The following USH2A variants were observed in gnomAD, a reference collection of about 807,000 sequenced individuals.
USH2A encodes usherin.
Under a neutral mutation model 538.9 loss-of-function variants are expected in USH2A, and 443 were observed. The observed-to-expected ratio is 0.82, with a 90% CI of 0.76 to 0.89. USH2A has a LOEUF of 0.89. Ranked by LOEUF, USH2A falls within the 40% of genes least tolerant of loss-of-function variation. USH2A has a pLI of 0.00. For synonymous variants in USH2A, 2,413 were observed against 2,273.5 expected, an observed-to-expected ratio of 1.06 and a Z score of -1.75; for missense variants, 6,633 against 6,324.8, an observed-to-expected ratio of 1.05 and a Z score of -1.65.
intron 37 of USH2A, among the ~76,000 whole-genome samples, chr1:215,939,563 T>C (rs1456859950): frequency 6.6e-6 from 1 of 152,100 alleles, no homozygotes; most frequent in African/African-American, 2.4e-5. Flanking sequence ...TGTTGAATAG[T>C]AGAAAATCTA....
At chr1:215,771,209 G>A (rs1661274209) in intron 55 of USH2A, among the ~76,000 whole-genome samples, 1 of 151,636 alleles carries the variant, frequency 6.6e-6, no homozygotes, top group African/African-American at 2.4e-5. Flanking sequence ...GTGGCCCAGA[G>A]CAACTGGGTT....
At chr1:216,016,281 A>G (rs1443622520) in intron 32 of USH2A, among the ~76,000 whole-genome samples, 1 of 152,170 alleles carries the variant, frequency 6.6e-6, no homozygotes, top group Non-Finnish European at 1.5e-5. Context: ...AACATGGCAC[A>G]TGTATACATA....
chr1:216,104,106 G>A (rs1032269112), intron 21 of USH2A, among the ~76,000 whole-genome samples: 1 of 151,400 alleles, frequency 6.6e-6, no homozygotes, highest in Non-Finnish European at 1.5e-5. Flanking sequence ...TAGGGTACAT[G>A]TGCACAACGT....
intron 3 of USH2A, among the ~76,000 whole-genome samples, chr1:216,400,374 T>A (rs1398989147): frequency 6.6e-6 from 1 of 151,250 alleles, no homozygotes; most frequent in Non-Finnish European, 1.5e-5. Flanking sequence ...TTTACCTAAT[T>A]TGAACAAATA....
intron 11 of USH2A, among the ~76,000 whole-genome samples, chr1:216,260,612 A>T (rs950413897): frequency 6.6e-6 from 1 of 152,190 alleles, no homozygotes; most frequent in Non-Finnish European, 1.5e-5. Flanking sequence ...GTTGAGAATC[A>T]TGAATTAGAG....
Position 215,845,902 on chromosome 1 carries a change from A to G in USH2A, c.8977T>C (p.Tyr2993His). 1 of 1,613,660 alleles carries G rather than the reference A, an allele frequency of 6.2e-7. No homozygotes were observed. Among genetic ancestry groups the G allele is most frequent in the Non-Finnish European group, 8.5e-7 (1 of 1,179,864 alleles). Residue 2993 changes from tyrosine (Y) to histidine (H), a missense_variant, in exon 45 of 72, where the codon TAT becomes CAT. Transcript: ENST00000307340. Reference sequence around the variant, plus strand: ...TTGAAGACAGAGATAAAGATCCAATACTCTGTGTTTGGCTTTAGGTGGCCA... The same window carrying G: ...TTGAAGACAGAGATAAAGATCCAATGCTCTGTGTTTGGCTTTAGGTGGCCA... Reference protein sequence around the residue: ...VIGHLKPNTEYWIFISVFNGV... With the variant: ...VIGHLKPNTEHWIFISVFNGV...
At chr1:216,281,476 C>T (rs1267833308) in intron 11 of USH2A, among the ~76,000 whole-genome samples, 1 of 152,140 alleles carries the variant, frequency 6.6e-6, no homozygotes, top group South Asian at 2.1e-4. Context: ...ACAAAACAAG[C>T]TTTCTCTATT....
At chr1:215,741,965 C>T (rs529398115) in intron 59 of USH2A, among the ~76,000 whole-genome samples, 2 of 152,206 alleles carry the variant, frequency 1.3e-5, no homozygotes, top group South Asian at 2.1e-4. Flanking sequence ...TTCAAACACA[C>T]AGGAATAAAA....
chr1:216,322,070 CAGGGAAGATTTTTGTATATTTAATT>C (rs2037625029), intron 8 of USH2A, 94 bp from the exon 9 acceptor site: 1 of 1,208,472 alleles, frequency 8.3e-7, no homozygotes, highest in Non-Finnish European at 1.2e-6. Flanking sequence ...GTGAATTTAA[CAGGGAAGATTTTTGTATATTTAATT>C]GATACAAAAT....
At chr1:216,156,798 T>A (rs1186415658) in intron 21 of USH2A, among the ~76,000 whole-genome samples, 8 of 150,858 alleles carry the variant, frequency 5.3e-5, no homozygotes, top group Non-Finnish European at 1.2e-4. Context: ...GCAGAACCTA[T>A]AAGGAACTTA....
rs150060240 is a variant in USH2A, at chr1:215,900,128, T to G, written c.7541A>C (p.Asn2514Thr). The change falls in exon 40 of 72, where the codon AAT (asparagine) becomes ACT (threonine). Residue 2514 changes from asparagine to threonine, a missense_variant. Coordinates refer to ENST00000307340, the MANE Select transcript of USH2A (RefSeq NM_206933.4). ...TEYMFRLVAS[N>T]GFGSAHSSWI... is the part of the protein sequence containing the mutation. Reference sequence around the variant, plus strand: ...AGAACTATGTGCACTGCCAAATCCATTGGAGGCAACCAACCGAAACATATA... The same window carrying G: ...AGAACTATGTGCACTGCCAAATCCAGTGGAGGCAACCAACCGAAACATATA... The G allele has an allele frequency of 6.2e-7, 1 of 1,613,686 alleles. No individual in the cohort carries two copies. Among genetic ancestry groups the G allele is most frequent in the Non-Finnish European group, 8.5e-7 (1 of 1,179,804 alleles).
chr1:215,741,332 G>A lies in USH2A; in HGVS notation c.11711+43C>T, dbSNP rs369358481. The A allele has an allele frequency of 4.4e-5, 70 of 1,586,738 alleles. No individual in the cohort carries two copies. The East Asian group carries it at 7.4e-4, about 17-fold the overall frequency. On this transcript the variant is annotated intron_variant, in intron 60 of 71. Transcript: ENST00000307340. ...TGATTCTGCTGTGTTGGAGCAGTAC[G>A]CATTCTTAAATAACTAAAAATAATA...
chr1:216,293,544 C>T (rs1003751630), intron 9 of USH2A, among the ~76,000 whole-genome samples: 2 of 152,208 alleles, frequency 1.3e-5, no homozygotes, highest in Non-Finnish European at 2.9e-5. Flanking sequence ...GCTCTGGCTA[C>T]GTATTCAGAA....
intron 49 of USH2A, among the ~76,000 whole-genome samples, chr1:215,801,395 T>TA (rs544514897): frequency 1.2e-3 from 163 of 135,004 alleles, no homozygotes; most frequent in Middle Eastern, 4.0e-3. Flanking sequence ...ATAAAGATTC[T>TA]AAAAAAAAAA....
At chr1:215,949,188 A>G (rs1358385881) in intron 37 of USH2A, among the ~76,000 whole-genome samples, 1 of 152,108 alleles carries the variant, frequency 6.6e-6, no homozygotes, top group Admixed American at 6.5e-5. Context: ...TATAATAAAA[A>G]TAAATGAACA....
intron 32 of USH2A, among the ~76,000 whole-genome samples, chr1:216,023,768 G>A (rs906386736): frequency 3.3e-5 from 5 of 152,136 alleles, no homozygotes; most frequent in Admixed American, 6.6e-5. Flanking sequence ...GTGTTTGTTA[G>A]CTAAAAATTA....
chr1:216,412,093 T>C (rs1183113634), intron 3 of USH2A, among the ~76,000 whole-genome samples: 1 of 152,138 alleles, frequency 6.6e-6, no homozygotes, highest in Non-Finnish European at 1.5e-5. Context: ...AGTGTTTTAG[T>C]AGACAATATT....
chr1:215,710,835 T>C (rs1382930080), intron 61 of USH2A, among the ~76,000 whole-genome samples: 1 of 152,014 alleles, frequency 6.6e-6, no homozygotes, highest in Non-Finnish European at 1.5e-5. Flanking sequence ...AAAAAGAACA[T>C]TAGCATGTTC....
intron 32 of USH2A, among the ~76,000 whole-genome samples, chr1:216,035,506 C>T (rs1207148922): frequency 6.6e-6 from 1 of 152,126 alleles, no homozygotes; most frequent in Non-Finnish European, 1.5e-5. Context: ...GACTCCCTGT[C>T]TCTAGAAGTG....
Sources: gnomAD v4.1 joint callset for allele counts (sites outside exome capture counted in the v4.1 genomes callset) on GRCh38, gnomAD v4.1.1 for gene constraint, MANE v1.5 for transcripts, NCBI Gene and HGNC (gene_info 2026-07-23, HGNC 2026-07-21) for gene names.